UBE2L3: variants seen among roughly 807,000 people sequenced by gnomAD.
UBE2L3 encodes ubiquitin-conjugating enzyme E2 L3.
In UBE2L3, 1 loss-of-function variant was observed where a neutral mutation model predicts 17.8. The observed-to-expected ratio is 0.06, with a 90% confidence interval of 0.02 to 0.27. The LOEUF (loss-of-function observed/expected upper bound fraction) is 0.27. Among genes scored for constraint, UBE2L3 ranks in the 10% least tolerant of loss-of-function variants. The pLI is 1.00. For missense variants in UBE2L3, 40 were observed against 192.6 expected (o/e 0.21, Z 4.69); for synonymous variants, 44 against 68.5 (o/e 0.64, Z 1.76).
At chr22:21,574,416 G>A (rs1325003392) in intron 1 of UBE2L3, among the ~76,000 whole-genome samples, 1 of 152,198 alleles carries the variant, frequency 6.6e-6, no homozygotes, top group African/African-American at 2.4e-5. Context: ...CATATAGTAA[G>A]TGTGAGCTAC....
At chr22:21,561,958 G>A (rs1006087168) in intron 1 of UBE2L3, among the ~76,000 whole-genome samples, 2 of 152,118 alleles carry the variant, frequency 1.3e-5, no homozygotes, top group Non-Finnish European at 2.9e-5. Context: ...TGCCAATGAA[G>A]GGTATAAGTG....
At chr22:21,561,290 T>G (rs1926422099) in intron 1 of UBE2L3, among the ~76,000 whole-genome samples, 1 of 152,298 alleles carries the variant, frequency 6.6e-6, no homozygotes, top group South Asian at 2.1e-4. Context: ...CTCAAAAGGG[T>G]CCAGGCTAGG....
chr22:21,604,433 G>A (rs1472832290), intron 2 of UBE2L3, among the ~76,000 whole-genome samples: 2 of 152,090 alleles, frequency 1.3e-5, no homozygotes, highest in South Asian at 2.1e-4. Context: ...CCCGGGAGGC[G>A]GAGGTTGCAG....
intron 2 of UBE2L3, among the ~76,000 whole-genome samples, chr22:21,593,204 A>G (rs1027522851): frequency 6.6e-6 from 1 of 152,110 alleles, no homozygotes; most frequent in African/African-American, 2.4e-5. Flanking sequence ...ACACAGAGAA[A>G]AGGAGTGTGT....
chr22:21,606,676 G>A lies in UBE2L3; in HGVS notation c.124-4181G>A, dbSNP rs189249140. ...GCCAGCCTGGACAACATAGTGAGACGCCATCACTATAAGAAATAAAAAAAT... is the reference window on the plus strand; with the variant it reads ...GCCAGCCTGGACAACATAGTGAGACACCATCACTATAAGAAATAAAAAAAT... On this transcript the variant is annotated intron_variant, in intron 2 of 3. Coordinates refer to ENST00000342192, the MANE Select transcript of UBE2L3 (RefSeq NM_003347.4). 1.4e-4 allele frequency among the ~76,000 whole-genome samples: 22 copies of A among 152,162 alleles called. No homozygotes were observed. In the Middle Eastern group the frequency reaches 0.01, roughly 71 times the overall value.
At chr22:21,562,009 T>C (rs971983545) in intron 1 of UBE2L3, among the ~76,000 whole-genome samples, 1 of 152,076 alleles carries the variant, frequency 6.6e-6, no homozygotes, top group Non-Finnish European at 1.5e-5. Context: ...CACTTTCTTT[T>C]CCTTGTCCTC....
chr22:21,605,177 CA>C (rs1334108201), intron 2 of UBE2L3, among the ~76,000 whole-genome samples: 1 of 152,144 alleles, frequency 6.6e-6, no homozygotes, highest in East Asian at 1.9e-4. Flanking sequence ...CCTGTCTTTA[CA>C]AAAGGACTTG....
At chr22:21,562,593 G>C (rs569774070) in intron 1 of UBE2L3, among the ~76,000 whole-genome samples, 1 of 150,658 alleles carries the variant, frequency 6.6e-6, no homozygotes, top group African/African-American at 2.4e-5. Context: ...GGATGGTCTC[G>C]ATCTCCTGAC....
At chr22:21,584,178 A>ATTTTT (rs374588807) in intron 1 of UBE2L3, among the ~76,000 whole-genome samples, 2 of 132,752 alleles carry the variant, frequency 1.5e-5, no homozygotes, top group African/African-American at 5.7e-5. Context: ...TCTGGCCTAA[A>ATTTTT]TTTTTTTTTT....
At chr22:21,575,412 TAA>T (rs547379857) in intron 1 of UBE2L3, among the ~76,000 whole-genome samples, 3 of 101,734 alleles carry the variant, frequency 2.9e-5, no homozygotes, top group Admixed American at 1.1e-4. Flanking sequence ...CCATCTCTAC[TAA>T]AAAAAAAAAA....
intron 1 of UBE2L3, among the ~76,000 whole-genome samples, chr22:21,578,551 G>T (rs574487603): frequency 6.6e-6 from 1 of 152,042 alleles, no homozygotes; most frequent in Non-Finnish European, 1.5e-5. Flanking sequence ...AGTCTGGTAG[G>T]GGGGTGCTGG....
At chr22:21,581,565 G>A (rs1042318298) in intron 1 of UBE2L3, among the ~76,000 whole-genome samples, 2 of 152,126 alleles carry the variant, frequency 1.3e-5, no homozygotes, top group African/African-American at 4.8e-5. Flanking sequence ...ACTTTGGGAG[G>A]CCTAGATGGG....
At chr22:21,564,024 C>G (rs1488988474), upstream of UBE2L3, among the ~76,000 whole-genome samples, 1 of 149,760 alleles carries the variant, frequency 6.7e-6, no homozygotes, top group African/African-American at 2.5e-5. Context: ...ACTTCTTTTT[C>G]TTTTCTTTCT....
At position 21,623,114 on chromosome 22, in the gene UBE2L3, G is replaced by A. The variant is rs971459325; in HGVS notation, c.*1445G>A. The A allele has an allele frequency of 6.6e-6, 1 of 152,302 alleles. No homozygotes were observed. The highest frequency in any genetic ancestry group is 1.5e-5 in the Non-Finnish European group (1 of 68,024). 9.4% of individuals were successfully genotyped at this position (152,302 alleles called of 1,614,324 possible). A position where few individuals can be genotyped will look rare whatever the true frequency, so the allele number is the denominator to read the frequency against. On this transcript the variant is annotated 3_prime_UTR_variant, in exon 4 of 4. Coordinates refer to ENST00000342192, the MANE Select transcript of UBE2L3 (RefSeq NM_003347.4). ...GCTTCCCTTCTTGGCTCTTGGGGGGGACTAGATCCTGTGGAGAAGATGACT... is the reference window on the plus strand; with the variant it reads ...GCTTCCCTTCTTGGCTCTTGGGGGGAACTAGATCCTGTGGAGAAGATGACT...
At chr22:21,597,227 G>A (rs866206510) in intron 2 of UBE2L3, among the ~76,000 whole-genome samples, 6 of 152,030 alleles carry the variant, frequency 3.9e-5, no homozygotes, top group South Asian at 2.1e-4. Flanking sequence ...TGATCTGTCC[G>A]CCTCAGCCTA....
At chr22:21,568,490 T>G (rs2148397614) in intron 1 of UBE2L3, 2 of 945,874 alleles carry the variant, frequency 2.1e-6, no homozygotes, top group East Asian at 1.2e-4. Context: ...GTGCCATTTT[T>G]GGGGGGATAA....
intron 2 of UBE2L3, among the ~76,000 whole-genome samples, chr22:21,598,195 A>ATGTGTGTGTGTGTGTGTGTGTG (rs371127802): frequency 0.011 from 1,703 of 148,472 alleles, 52 homozygotes; most frequent in South Asian, 0.094. Flanking sequence ...GGTTTCATTA[A>ATGTGTGTGTGTGTGTGTGTGTG]TGTGTGTGTG....
intron 1 of UBE2L3, 162 bp downstream of exon 1, chr22:21,567,933 C>T (rs1050421170): frequency 4.9e-6 from 7 of 1,428,980 alleles, no homozygotes; most frequent in Middle Eastern, 2.6e-4. Flanking sequence ...GCTAACGGGG[C>T]TGGCCTAGGC....
intron 1 of UBE2L3, among the ~76,000 whole-genome samples, chr22:21,561,709 A>G (rs1184970792): frequency 1.3e-5 from 2 of 152,276 alleles, no homozygotes; most frequent in African/African-American, 4.8e-5. Context: ...CCACAGGCAG[A>G]GGGAACAGCC....
Sources: allele counts gnomAD v4.1 joint callset (sites outside exome capture counted in the v4.1 genomes callset), GRCh38; gene constraint gnomAD v4.1.1; transcripts MANE v1.5; gene names NCBI Gene and HGNC (gene_info 2026-07-23, HGNC 2026-07-21).